UBFD1: variants seen among roughly 807,000 people sequenced by gnomAD.
UBFD1 encodes the protein ubiquitin domain-containing protein UBFD1.
Under a neutral mutation model 35.1 loss-of-function variants are expected in UBFD1, and 12 were observed. That is an observed-to-expected ratio of 0.34 (90% CI 0.22 to 0.55). The LOEUF (loss-of-function observed/expected upper bound fraction) is 0.55, where lower values mean the gene tolerates loss of function less well. Among genes scored for constraint, UBFD1 ranks in the 20% least tolerant of loss-of-function variants. UBFD1 has a pLI of 0.89. For missense variants in UBFD1, 337 were observed against 410.8 expected (o/e 0.82, Z 1.55); for synonymous variants, 178 against 167.6 (o/e 1.06, Z -0.48).
chr16:23,568,242 C>T (rs1308234053), intron 6 of UBFD1, among the ~76,000 whole-genome samples: 1 of 151,228 alleles, frequency 6.6e-6, no homozygotes, highest in Non-Finnish European at 1.5e-5. Context: ...TCACTGCAGC[C>T]TCTGCCTCCC....
intron 2 of UBFD1, 92 bp from the exon 3 acceptor site, chr16:23,559,376 A>G (rs1965894569): frequency 9.0e-7 from 1 of 1,116,622 alleles, no homozygotes; most frequent in African/African-American, 1.6e-5. Flanking sequence ...GGCAGTATTC[A>G]CTTTTTGGTC....
In UBFD1 at chr16:23,557,757, G is replaced by C. The variant is rs751205653; in HGVS notation, c.15G>C (p.Gly5=). The change falls in exon 1 of 7, where the codon GGG becomes GGC. Residue 5 remains glycine, a synonymous_variant. Coordinates refer to ENST00000395878, the MANE Select transcript of UBFD1 (RefSeq NM_019116.3). MAAA[G]APDGMEEPGM... Reference sequence around the variant, plus strand: ...ACACAATCATCATGGCGGCGGCCGGGGCCCCGGATGGTGAGTGCGGCGGGG... The same window carrying C: ...ACACAATCATCATGGCGGCGGCCGGCGCCCCGGATGGTGAGTGCGGCGGGG... 19 of 1,301,816 alleles carry C rather than the reference G, an allele frequency of 1.5e-5. No individual in the cohort carries two copies. Among genetic ancestry groups the C allele is most frequent in the Non-Finnish European group, 6.8e-6 (7 of 1,024,604 alleles). The allele number at this position is 1,301,816 out of a possible 1,614,324, so 80.6% of individuals were successfully genotyped here.
In UBFD1 at chr16:23,562,172, G is replaced by T. The variant is rs536039904; in HGVS notation, c.565-34G>T. ...ATAGTAACACGACGAAATGTAGTCA[G>T]CTGTTTCATTTCATTCTCTCTTCTG... On this transcript the variant is annotated intron_variant, in intron 3 of 6. Coordinates refer to ENST00000395878, the MANE Select transcript of UBFD1 (RefSeq NM_019116.3). 3.0e-4 allele frequency: 479 copies of T among 1,579,004 alleles called. 2 individuals are homozygous for T. In the South Asian group the frequency reaches 4.9e-3, roughly 16 times the overall value.
At chr16:23,565,521 G>A (rs922422254) in intron 5 of UBFD1, 1 of 152,164 alleles carries the variant, frequency 6.6e-6, no homozygotes, top group Non-Finnish European at 1.5e-5. Context: ...AGACATTTCA[G>A]GATGAAAGGT....
intron 4 of UBFD1, 50 bp from the exon 5 acceptor site, chr16:23,562,575 C>T (rs1326571561): frequency 6.3e-7 from 1 of 1,581,418 alleles, no homozygotes; most frequent in African/African-American, 1.4e-5. Flanking sequence ...GCCCCCTTCT[C>T]TTTTTTTCTG....
chr16:23,564,009 T>G (rs1965976378), intron 5 of UBFD1: 1 of 152,250 alleles, frequency 6.6e-6, no homozygotes, highest in African/African-American at 2.4e-5. Flanking sequence ...GAGCACTCAT[T>G]ACTCTCTGAC....
intron 6 of UBFD1, chr16:23,568,993 A>G (rs1966049081): frequency 6.6e-6 from 1 of 152,036 alleles, no homozygotes; most frequent in African/African-American, 2.4e-5. Flanking sequence ...AGTTGAGTGG[A>G]CTGTTTTGGA....
chr16:23,570,634 G>A lies in UBFD1; in HGVS notation c.*44G>A, dbSNP rs1206959402. The A allele has an allele frequency of 1.3e-6, 2 of 1,523,050 alleles. No homozygotes were observed. The highest frequency in any genetic ancestry group is 1.8e-6 in the Non-Finnish European group (2 of 1,098,744). 94.3% of individuals were successfully genotyped at this position (1,523,050 alleles called of 1,614,324 possible). A position where few individuals can be genotyped will look rare whatever the true frequency, so the allele number is the denominator to read the frequency against. ...CCCAGGAGACTGACCCAAAGTGAAGGACATTGCCGGGAGAGGCCTGCAGCA... is the reference window on the plus strand; with the variant it reads ...CCCAGGAGACTGACCCAAAGTGAAGAACATTGCCGGGAGAGGCCTGCAGCA... On this transcript the variant is annotated 3_prime_UTR_variant, in exon 7 of 7. Transcript: ENST00000395878.
intron 5 of UBFD1, chr16:23,565,101 A>G (rs1567400606): frequency 6.6e-6 from 1 of 152,198 alleles, no homozygotes; most frequent in Non-Finnish European, 1.5e-5. Flanking sequence ...CTGTTACCTA[A>G]GTGTCATAAG....
rs765807650 is a variant in UBFD1, at chr16:23,557,742, C to A, written c.-1C>A. 42 of 1,320,800 alleles carry A rather than the reference C, an allele frequency of 3.2e-5. No homozygotes were observed. The East Asian group carries it at 1.2e-3, about 38-fold the overall frequency. 81.8% of individuals were successfully genotyped at this position (1,320,800 alleles called of 1,614,324 possible). ...AGCGGTGGGTGTTGTACACAATCATCATGGCGGCGGCCGGGGCCCCGGATG... is the reference window on the plus strand; with the variant it reads ...AGCGGTGGGTGTTGTACACAATCATAATGGCGGCGGCCGGGGCCCCGGATG... On this transcript the variant is annotated 5_prime_UTR_variant, in exon 1 of 7. Transcript: ENST00000395878.
At chr16:23,559,963 T>C (rs1965905607) in intron 3 of UBFD1, 3 of 1,259,034 alleles carry the variant, frequency 2.4e-6, no homozygotes, top group Non-Finnish European at 3.2e-6. Context: ...TGGGTTTCTC[T>C]CTCTTATTTA....
At chr16:23,570,039 C>G (rs1436241178) in intron 6 of UBFD1, among the ~76,000 whole-genome samples, 1 of 152,212 alleles carries the variant, frequency 6.6e-6, no homozygotes, top group Non-Finnish European at 1.5e-5. Context: ...TGGTTTCAGA[C>G]AGTGCTGCAA....
At chr16:23,561,931 A>AT in intron 3 of UBFD1, 1 of 340,794 alleles carries the variant, frequency 2.9e-6, no homozygotes, top group East Asian at 4.5e-5. Flanking sequence ...TTAAAATGAA[A>AT]TTAAGAATTC....
chr16:23,566,192 G>T (rs570586655), intron 5 of UBFD1: 2 of 152,282 alleles, frequency 1.3e-5, no homozygotes, highest in African/African-American at 4.8e-5. Context: ...CAGGGTCGTG[G>T]TATAGAATCT....
chr16:23,561,823 A>G (rs1352281201), intron 3 of UBFD1: 1 of 142,486 alleles, frequency 7.0e-6, no homozygotes, highest in Non-Finnish European at 1.5e-5. Context: ...TTCAGTGGTG[A>G]TTTTTTTTTT....
In UBFD1 at chr16:23,571,673, T is replaced by C. The variant is rs1347682002; in HGVS notation, c.*1083T>C. 1 of 152,702 alleles carries C rather than the reference T, an allele frequency of 6.5e-6. No individual in the cohort carries two copies. Among genetic ancestry groups the C allele is most frequent in the East Asian group, 1.9e-4 (1 of 5,208 alleles). 9.5% of individuals were successfully genotyped at this position (152,702 alleles called of 1,614,324 possible). On this transcript the variant is annotated 3_prime_UTR_variant, in exon 7 of 7. Coordinates refer to ENST00000395878, the MANE Select transcript of UBFD1 (RefSeq NM_019116.3). ...TCCATTGGGTCCTTCTGCTCATGCA[T>C]TCAGTTCAAGTGTCCTTTATCCCAG...
At chr16:23,569,595 C>G (rs1966056590) in intron 6 of UBFD1, 1 of 152,112 alleles carries the variant, frequency 6.6e-6, no homozygotes. Flanking sequence ...AAGAGAATAA[C>G]TGTCACAAAC....
chr16:23,559,377 C>T (rs1402476027), intron 2 of UBFD1, 91 bp from the exon 3 acceptor site: 1 of 1,160,864 alleles, frequency 8.6e-7, no homozygotes, highest in African/African-American at 1.5e-5. Context: ...GCAGTATTCA[C>T]TTTTTGGTCT....
intron 1 of UBFD1, 83 bp from the exon 2 acceptor site, chr16:23,557,867 G>C: frequency 7.9e-7 from 1 of 1,271,904 alleles, no homozygotes; most frequent in Non-Finnish European, 9.9e-7. Flanking sequence ...CGCGGCTCGG[G>C]AACGGAGGTC....
Sources: gnomAD v4.1 joint callset for allele counts (sites outside exome capture counted in the v4.1 genomes callset) on GRCh38, gnomAD v4.1.1 for gene constraint, MANE v1.5 for transcripts, NCBI Gene and HGNC (gene_info 2026-07-23, HGNC 2026-07-21) for gene names.